PIWIL3: variants seen among roughly 807,000 people sequenced by gnomAD.
PIWIL3 encodes the protein piwi-like protein 3.
PIWIL3 carries 101 observed loss-of-function variants against 109.7 expected under a neutral mutation model. The ratio of observed to expected loss-of-function variants is 0.92; its 90% CI spans 0.78 to 1.09. The LOEUF is 1.09. PIWIL3 is among the 50% of genes least tolerant of loss of function. The probability of loss-of-function intolerance (pLI) is 0.00; values close to 1 mark genes in which losing one functional copy is unlikely to be tolerated. For missense variants in PIWIL3, 1,031 were observed against 1,072.6 expected, an observed-to-expected ratio of 0.96 and a Z score of 0.54; for synonymous variants, 373 against 376.4, an observed-to-expected ratio of 0.99 and a Z score of 0.10.
At position 24,735,810 on chromosome 22, in the gene PIWIL3, A is replaced by G. The variant is rs1260494816; in HGVS notation, c.1532T>C (p.Leu511Pro). The change falls in exon 13 of 21, where the codon CTC becomes CCC. Residue 511 changes from leucine to proline, a missense_variant. By Grantham distance (98) the Leu-to-Pro change is moderately conservative. Coordinates refer to ENST00000616349, the MANE Select transcript of PIWIL3 (RefSeq NM_001255975.1). ...LLNAMPLHSWLILYSRSSHRE... is the reference protein window; with the variant it reads ...LLNAMPLHSWPILYSRSSHRE... ...GTGACTGCTCCTGCTATAGAGTATG[A>G]GCCAACTATGTAGTGGCATTGCATT... 6.2e-7 allele frequency: 1 copy of G among 1,613,752 alleles called. No homozygotes were observed. Among genetic ancestry groups the G allele is most frequent in the Non-Finnish European group, 8.5e-7 (1 of 1,179,670 alleles).
At chr22:24,738,657 G>A (rs913568151) in intron 12 of PIWIL3, among the ~76,000 whole-genome samples, 2 of 152,220 alleles carry the variant, frequency 1.3e-5, no homozygotes, top group South Asian at 2.1e-4. Flanking sequence ...GAGAACCATA[G>A]CATTACTGTG....
chr22:24,743,621 G>A (rs1924135190), intron 12 of PIWIL3, among the ~76,000 whole-genome samples: 1 of 152,164 alleles, frequency 6.6e-6, no homozygotes, highest in Admixed American at 6.5e-5. Context: ...GCTGAACTAT[G>A]AGGATGCAAA....
rs1924180538 is a variant in PIWIL3, at chr22:24,744,178, T to TTAAAGAAAAAA, written c.1449+4728_1449+4729insTTTTTTCTTTA. ...ACTCTAATTGAAAGAGTGACCGAATTAAAAAAAAAAAAAAAAAAAAAAAAA... is the reference window on the plus strand; with the variant it reads ...ACTCTAATTGAAAGAGTGACCGAATTTAAAGAAAAAAAAAAAAAAAAAAAAAAAAAAAAAAA... On this transcript the variant is annotated intron_variant, in intron 12 of 20. Coordinates refer to ENST00000616349, the MANE Select transcript of PIWIL3 (RefSeq NM_001255975.1). Among the ~76,000 whole-genome samples, 2 of 34,304 alleles carry TTAAAGAAAAAA rather than the reference T, an allele frequency of 5.8e-5. 1 individual carries two copies. Among genetic ancestry groups the TTAAAGAAAAAA allele is most frequent in the Non-Finnish European group, 1.1e-4 (2 of 17,628 alleles). The allele number at this position is 34,304 out of a possible 152,430, so 22.5% of individuals were successfully genotyped here.
intron 12 of PIWIL3, among the ~76,000 whole-genome samples, chr22:24,740,680 G>T (rs1386219591): frequency 6.6e-6 from 1 of 151,814 alleles, no homozygotes; most frequent in Non-Finnish European, 1.5e-5. Context: ...TAAATTCCTG[G>T]AACCGGAAAT....
At chr22:24,736,300 C>T (rs1466441851) in intron 12 of PIWIL3, among the ~76,000 whole-genome samples, 1 of 152,200 alleles carries the variant, frequency 6.6e-6, no homozygotes, top group Non-Finnish European at 1.5e-5. Flanking sequence ...ACTGCTGCAG[C>T]AGAACTCTCT....
At chr22:24,765,124 G>A (rs745373092) in intron 1 of PIWIL3, among the ~76,000 whole-genome samples, 6 of 152,090 alleles carry the variant, frequency 3.9e-5, no homozygotes, top group Non-Finnish European at 8.8e-5. Context: ...TTTTCAAGAG[G>A]GCAAATGGAT....
intron 17 of PIWIL3, 26 bp downstream of exon 17, chr22:24,725,419 T>C: frequency 6.2e-7 from 1 of 1,610,564 alleles, no homozygotes; most frequent in Non-Finnish European, 8.5e-7. Flanking sequence ...TAGTGTCGGG[T>C]TCCCCGACCG....
chr22:24,744,178 T>TAAAAAAAA (rs1188611412), intron 12 of PIWIL3, among the ~76,000 whole-genome samples: 33 of 34,290 alleles, frequency 9.6e-4, no homozygotes, highest in Non-Finnish European at 1.4e-3. Context: ...GTGACCGAAT[T>TAAAAAAAA]AAAAAAAAAA....
At chr22:24,730,860 CT>C (rs915041909) in intron 14 of PIWIL3, among the ~76,000 whole-genome samples, 10 of 152,070 alleles carry the variant, frequency 6.6e-5, no homozygotes, top group African/African-American at 9.7e-5. Flanking sequence ...TGCAAAGTGA[CT>C]TTTTTTATTC....
intron 17 of PIWIL3, 83 bp from the exon 18 acceptor site, chr22:24,725,120 C>T: frequency 2.6e-6 from 4 of 1,509,714 alleles, no homozygotes; most frequent in Non-Finnish European, 2.7e-6. Context: ...CTAGGTCCAT[C>T]TTTCAACACT....
intron 1 of PIWIL3, among the ~76,000 whole-genome samples, chr22:24,766,453 G>C (rs906356260): frequency 1.1e-4 from 16 of 152,082 alleles, no homozygotes; most frequent in Admixed American, 9.2e-4. Context: ...CGAGTAGCTG[G>C]AAGTACAGGC....
At chr22:24,745,279 C>A (rs1924285383) in intron 12 of PIWIL3, among the ~76,000 whole-genome samples, 1 of 152,084 alleles carries the variant, frequency 6.6e-6, no homozygotes, top group Admixed American at 6.6e-5. Context: ...AACTTCAAAC[C>A]ACCTAATGAC....
chr22:24,738,593 A>G (rs1252042961), intron 12 of PIWIL3, among the ~76,000 whole-genome samples: 4 of 152,256 alleles, frequency 2.6e-5, no homozygotes, highest in Admixed American at 2.0e-4. Context: ...CTGGTAATCC[A>G]GAAGTCTTCT....
At chr22:24,773,150 G>A (rs922105139) in intron 1 of PIWIL3, among the ~76,000 whole-genome samples, 1 of 152,146 alleles carries the variant, frequency 6.6e-6, no homozygotes, top group Admixed American at 6.5e-5. Flanking sequence ...CACATTGGCA[G>A]CTGGGCCCTG....
At position 24,755,913 on chromosome 22, in the gene PIWIL3, T is replaced by TA. The variant is rs35204283; in HGVS notation, c.571-9dup. On this transcript the variant is annotated splice_polypyrimidine_tract_variant and intron_variant, in intron 5 of 20. Coordinates refer to ENST00000616349, the MANE Select transcript of PIWIL3 (RefSeq NM_001255975.1). ...GCTCAACCATTCCACTCTCTGAGATTAAAAAAAAACAAAAAAAAAAGTCCA... is the reference window on the plus strand; with the variant it reads ...GCTCAACCATTCCACTCTCTGAGATTAAAAAAAAAACAAAAAAAAAAGTCCA... 8.6e-3 allele frequency: 13,169 copies of TA among 1,535,560 alleles called. 47 individuals carry two copies. The highest frequency in any genetic ancestry group is 0.012 in the African/African-American group (756 of 65,140).
At chr22:24,744,207 A>AAAAAAAAAAAAAAAAAAC (rs1569103685) in intron 12 of PIWIL3, among the ~76,000 whole-genome samples, 1 of 135,036 alleles carries the variant, frequency 7.4e-6, no homozygotes, top group African/African-American at 2.7e-5. Flanking sequence ...AAAAAAAAAA[A>AAAAAAAAAAAAAAAAAAC]CAATGATCTG....
At chr22:24,725,146 A>G in intron 17 of PIWIL3, 109 bp from the exon 18 acceptor site, 1 of 1,305,546 alleles carries the variant, frequency 7.7e-7, no homozygotes, top group Non-Finnish European at 1.1e-6. Flanking sequence ...TTTCAGGGCA[A>G]TTTTACTGCT....
chr22:24,760,632 TAGC>T (rs1925370006), intron 2 of PIWIL3, among the ~76,000 whole-genome samples: 1 of 151,478 alleles, frequency 6.6e-6, no homozygotes, highest in Non-Finnish European at 1.5e-5. Flanking sequence ...ATACAAAACT[TAGC>T]TGGGCATGGT....
In PIWIL3 at chr22:24,734,293, A is replaced by G. The variant is rs564791517; in HGVS notation, c.1635-137T>C. The G allele has an allele frequency of 1.0e-5, 14 of 1,343,264 alleles. No homozygotes were observed. In the African/African-American group the frequency reaches 1.2e-4, roughly 11 times the overall value. The allele number at this position is 1,343,264 out of a possible 1,614,324, so 83.2% of individuals were successfully genotyped here. On this transcript the variant is annotated intron_variant, in intron 13 of 20. Transcript: ENST00000616349. ...TTCAGTAGAAAGTATGTTTAAAAGA[A>G]AAAAGACAGTAGACTTTCAGTTTCC... is the stretch of plus-strand genomic sequence containing the variant.
Sources: gnomAD v4.1 joint callset for allele counts (sites outside exome capture counted in the v4.1 genomes callset) on GRCh38, gnomAD v4.1.1 for gene constraint, MANE v1.5 for transcripts, NCBI Gene and HGNC (gene_info 2026-07-23, HGNC 2026-07-21) for gene names.